The following ZNF236 variants were observed in gnomAD, a reference collection of about 807,000 sequenced individuals.
ZNF236 encodes regulated by glucose.
ZNF236 carries 50 observed loss-of-function variants against 191.2 expected under a neutral mutation model. The ratio of observed to expected loss-of-function variants is 0.26; its 90% CI spans 0.21 to 0.33. The LOEUF (loss-of-function observed/expected upper bound fraction) is 0.33, where lower values mean the gene tolerates loss of function less well. Ranked by LOEUF, ZNF236 falls within the 10% of genes least tolerant of loss-of-function variation. ZNF236 has a pLI of 1.00. For missense variants in ZNF236, 1,754 were observed against 2,374.5 expected, an observed-to-expected ratio of 0.74 and a Z score of 5.43; for synonymous variants, 907 against 928.8, an observed-to-expected ratio of 0.98 and a Z score of 0.43.
At position 76,925,314 on chromosome 18, in the gene ZNF236, C is replaced by T. The variant is rs758338620; in HGVS notation, c.3787C>T (p.Arg1263Cys). 3 of 1,614,202 alleles carry T rather than the reference C, an allele frequency of 1.9e-6. No individual in the cohort carries two copies. Among genetic ancestry groups the T allele is most frequent in the South Asian group, 2.2e-5 (2 of 91,084 alleles). Residue 1263 changes from arginine (R) to cysteine (C), a missense_variant, in exon 22 of 31, where the codon CGT (arginine) becomes TGT (cysteine). This residue lies in a region of ZNF236 where 45 missense variants were observed against 137.4 expected (regional missense o/e 0.33). Transcript: ENST00000320610. This position sits in a 1 kb window ranked among gnomAD's most constrained non-coding sequence, Gnocchi z 5.7. ...ATGCCCGCATTGCGAGCTGCGTTTCCGTACCTCGGGTAGAAGAAAGACACA... is the reference window on the plus strand; with the variant it reads ...ATGCCCGCATTGCGAGCTGCGTTTCTGTACCTCGGGTAGAAGAAAGACACA... ...FKCPHCELRF[R>C]TSGRRKTHMQ... is the part of the protein sequence containing the mutation.
At position 76,844,902 on chromosome 18, in the gene ZNF236, C is replaced by T. The variant is rs8097114; in HGVS notation, c.56-4624C>T. The stretch of plus-strand genomic sequence containing the variant: ...GGTGCCAAGTCATGACAGACCAGGC[C>T]TGAATACAGTCATGGAATAGCAGGA... On this transcript the variant is annotated intron_variant, in intron 1 of 30. Coordinates refer to ENST00000320610, the MANE Select transcript of ZNF236 (RefSeq NM_001306089.2). Among the ~76,000 whole-genome samples, 1,379 of 152,176 alleles carry T rather than the reference C, an allele frequency of 9.1e-3. 20 individuals carry two copies. The highest frequency in any genetic ancestry group is 0.032 in the African/African-American group (1,315 of 41,496).
intron 13 of ZNF236, among the ~76,000 whole-genome samples, chr18:76,907,075 C>T (rs971184008): frequency 6.6e-6 from 1 of 152,232 alleles, no homozygotes; most frequent in African/African-American, 2.4e-5. Flanking sequence ...TGCCACTGCG[C>T]TGCTGTGTGG....
Position 76,957,095 on chromosome 18 carries a change from C to T in ZNF236, c.5112+913C>T, listed in dbSNP as rs575644489. Reference sequence around the variant, plus strand: ...GAGGGCAGAGGCGTGCCACGCTGGCCGGGAAGGAAAGCTGCACTAAGATGG... The same window carrying T: ...GAGGGCAGAGGCGTGCCACGCTGGCTGGGAAGGAAAGCTGCACTAAGATGG... On this transcript the variant is annotated intron_variant, in intron 28 of 30. Transcript: ENST00000320610. 1.2e-3 allele frequency among the ~76,000 whole-genome samples: 185 copies of T among 152,018 alleles called. 2 individuals are homozygous for T. Among genetic ancestry groups the T allele is most frequent in the Admixed American group, 2.4e-3 (36 of 15,274 alleles).
chr18:76,871,794 C>T lies in ZNF236; in HGVS notation c.636C>T (p.Ser212=), dbSNP rs1231462865. The T allele has an allele frequency of 6.2e-7, 1 of 1,614,084 alleles. No homozygotes were observed. The highest frequency in any genetic ancestry group is 1.3e-5 in the African/African-American group (1 of 74,924). Residue 212 remains serine (S), a synonymous_variant, in exon 5 of 31, where the codon AGC becomes AGT. Coordinates refer to ENST00000320610, the MANE Select transcript of ZNF236 (RefSeq NM_001306089.2). The stretch of plus-strand genomic sequence containing the variant: ...GTGGAAAGACGTTTCAAAAGCCAAG[C>T]CAGTTAACGCGACACATTAGGATAC... ...PHCGKTFQKP[S]QLTRHIRIHT...
intron 7 of ZNF236, among the ~76,000 whole-genome samples, chr18:76,878,486 CT>C (rs1976779592): frequency 1.3e-5 from 2 of 152,156 alleles, no homozygotes; most frequent in South Asian, 4.2e-4. Context: ...TAATATTTCT[CT>C]TTTCTTATGT....
intron 11 of ZNF236, among the ~76,000 whole-genome samples, chr18:76,903,450 A>T (rs1327793858): frequency 6.6e-6 from 1 of 152,198 alleles, no homozygotes; most frequent in Admixed American, 6.5e-5. Context: ...CTGTATTTTT[A>T]TGGAAAGTCC....
In ZNF236 at chr18:76,915,819, C is replaced by A. The variant is rs1240409832; in HGVS notation, c.3234C>A (p.Val1078=). ...CKKHMKRHQT[V]PSAVSATGET... ...AGCACATGAAGAGACACCAAACAGT[C>A]CCCTCTGCTGTGTCAGCCACTGGAG... The change falls in exon 19 of 31, where the codon GTC becomes GTA. Residue 1078 remains valine, a synonymous_variant. Transcript: ENST00000320610. 6.2e-7 allele frequency: 1 copy of A among 1,614,190 alleles called. No individual in the cohort carries two copies. Among genetic ancestry groups the A allele is most frequent in the Non-Finnish European group, 8.5e-7 (1 of 1,180,030 alleles).
chr18:76,873,939 T>G (rs1435259411), intron 5 of ZNF236, among the ~76,000 whole-genome samples: 1 of 150,490 alleles, frequency 6.6e-6, no homozygotes, highest in Admixed American at 6.6e-5. Context: ...ACACTCTCAC[T>G]GTGCCTCCTG....
At chr18:76,902,820 A>G (rs901332402) in intron 11 of ZNF236, among the ~76,000 whole-genome samples, 9 of 151,832 alleles carry the variant, frequency 5.9e-5, no homozygotes, top group African/African-American at 2.2e-4. Context: ...CAAACTCCCG[A>G]CCTCAGGTGA....
intron 4 of ZNF236, among the ~76,000 whole-genome samples, chr18:76,870,788 G>A (rs148084591): frequency 6.6e-6 from 1 of 152,158 alleles, no homozygotes; most frequent in South Asian, 2.1e-4. Context: ...GAAGCAGTGA[G>A]CCTCCCTGGT....
chr18:76,947,409 T>C (rs1968288878), intron 26 of ZNF236, 112 bp from the exon 27 acceptor site: 3 of 1,329,492 alleles, frequency 2.3e-6, no homozygotes, highest in Non-Finnish European at 3.1e-6. Flanking sequence ...GGTTCACTTT[T>C]TGAGGAGCTA....
chr18:76,847,345 C>T (rs1975720581), intron 1 of ZNF236, among the ~76,000 whole-genome samples: 1 of 152,186 alleles, frequency 6.6e-6, no homozygotes, highest in Non-Finnish European at 1.5e-5. Flanking sequence ...CAATTTTCAA[C>T]AGACATTTTA....
In ZNF236 at chr18:76,849,422, C is replaced by A. The variant is rs113836538; in HGVS notation, c.56-104C>A. On this transcript the variant is annotated intron_variant, in intron 1 of 30. Coordinates refer to ENST00000320610, the MANE Select transcript of ZNF236 (RefSeq NM_001306089.2). Reference sequence around the variant, plus strand: ...ATTTCGTCTAAAATGTCACATAAATCTCTGACATAATTTGGTTTTTAAACA... The same window carrying A: ...ATTTCGTCTAAAATGTCACATAAATATCTGACATAATTTGGTTTTTAAACA... 3.6e-5 allele frequency: 32 copies of A among 892,460 alleles called. 2 individuals carry two copies. Among genetic ancestry groups the A allele is most frequent in the African/African-American group, 3.0e-4 (17 of 57,562 alleles). 55.3% of individuals were successfully genotyped at this position (892,460 alleles called of 1,614,324 possible). A position where few individuals can be genotyped will look rare whatever the true frequency, so the allele number is the denominator to read the frequency against.
At chr18:76,883,419 C>A (rs1234646844) in intron 9 of ZNF236, among the ~76,000 whole-genome samples, 1 of 133,332 alleles carries the variant, frequency 7.5e-6, no homozygotes, top group African/African-American at 2.8e-5. Context: ...ATGAGAAAAC[C>A]ATTGGGGATT....
rs1402615555 is a variant in ZNF236, at chr18:76,880,976, A to G, written c.1189-308A>G. Among the ~76,000 whole-genome samples, 1 of 152,248 alleles carries G rather than the reference A, an allele frequency of 6.6e-6. No homozygotes were observed. The highest frequency in any genetic ancestry group is 2.4e-5 in the African/African-American group (1 of 41,468). ...CAAAAGCCTTAAAATAGGGATTCCC[A>G]AGACTATTTAGAGACAACCAAAGTT... is the stretch of plus-strand genomic sequence containing the variant. On this transcript the variant is annotated intron_variant, in intron 8 of 30. Coordinates refer to ENST00000320610, the MANE Select transcript of ZNF236 (RefSeq NM_001306089.2). The surrounding 1 kb of genome is among the most constrained non-coding windows in gnomAD (Gnocchi z 5.0).
At chr18:76,892,439 A>T (rs1343017342) in intron 9 of ZNF236, among the ~76,000 whole-genome samples, 1 of 149,890 alleles carries the variant, frequency 6.7e-6, no homozygotes, top group Admixed American at 6.7e-5. Flanking sequence ...TGAATGTTAT[A>T]TTGAGATATG....
At position 76,925,122 on chromosome 18, in the gene ZNF236, G is replaced by T; in HGVS notation, c.3662-67G>T. 3 of 1,562,694 alleles carry T rather than the reference G, an allele frequency of 1.9e-6. No individual in the cohort carries two copies. Among genetic ancestry groups the T allele is most frequent in the Non-Finnish European group, 2.6e-6 (3 of 1,155,324 alleles). ...CATATTTACATCCATAGTGACAGCT[G>T]AGTGGGGTGGGGGTGAGTGTCGCGA... On this transcript the variant is annotated intron_variant, in intron 21 of 30. Transcript: ENST00000320610. The surrounding 1 kb of genome is among the most constrained non-coding windows in gnomAD (Gnocchi z 5.7).
At chr18:76,948,987 C>T (rs1968340705) in intron 27 of ZNF236, among the ~76,000 whole-genome samples, 1 of 152,194 alleles carries the variant, frequency 6.6e-6, no homozygotes, top group Non-Finnish European at 1.5e-5. Context: ...ATGGGTGATG[C>T]TCGGGAGCTG....
At chr18:76,868,214 A>C (rs1016209082) in intron 3 of ZNF236, among the ~76,000 whole-genome samples, 4 of 152,098 alleles carry the variant, frequency 2.6e-5, no homozygotes, top group Non-Finnish European at 5.9e-5. Flanking sequence ...CTGCCTCTGA[A>C]CCAAGCAAGA....
Sources: gnomAD v4.1 joint callset for allele counts (sites outside exome capture counted in the v4.1 genomes callset) on GRCh38, gnomAD v4.1.1 for gene constraint, gnomAD v4.1.1 regional missense constraint, Gnocchi (gnomAD v3.1) non-coding constraint, MANE v1.5 for transcripts, NCBI Gene and HGNC (gene_info 2026-07-23, HGNC 2026-07-21) for gene names.